The following XXYLT1 variants were observed in gnomAD, a reference collection of about 807,000 sequenced individuals.
The protein encoded by XXYLT1 is xyloside xylosyltransferase 1.
A neutral mutation model predicts 28.9 loss-of-function variants in XXYLT1; 20 were observed. The ratio of observed to expected loss-of-function variants is 0.69; its 90% confidence interval spans 0.49 to 1.00. The LOEUF (loss-of-function observed/expected upper bound fraction) is 1.00, where lower values mean the gene tolerates loss of function less well. XXYLT1 is among the 50% of genes least tolerant of loss of function. The pLI, the probability that XXYLT1 is intolerant of heterozygous loss-of-function variation, is 0.00. For missense variants in XXYLT1, 542 were observed against 560.1 expected (o/e 0.97, Z 0.33); for synonymous variants, 257 against 253.8 (o/e 1.01, Z -0.12).
At chr3:195,223,394 C>A (rs1156475310) in intron 2 of XXYLT1, among the ~76,000 whole-genome samples, 1 of 152,158 alleles carries the variant, frequency 6.6e-6, no homozygotes, top group Non-Finnish European at 1.5e-5. Flanking sequence ...GGAGCACAGG[C>A]TTTTCTGACC....
intron 1 of XXYLT1, among the ~76,000 whole-genome samples, chr3:195,262,510 GTAAT>G (rs1025050432): frequency 4.0e-5 from 6 of 150,476 alleles, no homozygotes; most frequent in Non-Finnish European, 8.9e-5. Flanking sequence ...CAAAAAAAAA[GTAAT>G]TATCTATCTT....
Position 195,133,701 on chromosome 3 carries a change from C to T in XXYLT1, c.785+22748G>A, listed in dbSNP as rs1046221398. On this transcript the variant is annotated intron_variant, in intron 3 of 3. Transcript: ENST00000310380. This position sits in a 1 kb window ranked among gnomAD's most constrained non-coding sequence, Gnocchi z 4.4. ...TATACAGTCACGCACCACGTGACGA[C>T]GTTGCAGTCAACGACAGAACACACG... Among the ~76,000 whole-genome samples the T allele has an allele frequency of 1.3e-5, 2 of 152,156 alleles. No homozygotes were observed. The highest frequency in any genetic ancestry group is 2.9e-5 in the Non-Finnish European group (2 of 68,040).
At chr3:195,208,908 A>G (rs973483198) in intron 2 of XXYLT1, among the ~76,000 whole-genome samples, 1 of 152,214 alleles carries the variant, frequency 6.6e-6, no homozygotes, top group African/African-American at 2.4e-5. Context: ...CTCCCAAATC[A>G]GCTCACAATC....
In XXYLT1 at chr3:195,209,107, AG is replaced by A. The variant is rs1448288941; in HGVS notation, c.652+17601del. On this transcript the variant is annotated intron_variant, in intron 2 of 3. Transcript: ENST00000310380. This position sits in a 1 kb window ranked among gnomAD's most constrained non-coding sequence, Gnocchi z 5.0. ...CCCTTACGTGGCTCACTCGCCTCTC[AG>A]GGGGAAGCTATCTCCCAGAGTGTAA... Among the ~76,000 whole-genome samples, 1 of 152,232 alleles carries A rather than the reference AG, an allele frequency of 6.6e-6. No individual in the cohort carries two copies. The highest frequency in any genetic ancestry group is 1.5e-5 in the Non-Finnish European group (1 of 68,024).
At chr3:195,114,251 C>T (rs775664623) in intron 3 of XXYLT1, among the ~76,000 whole-genome samples, 8 of 152,226 alleles carry the variant, frequency 5.3e-5, no homozygotes, top group Non-Finnish European at 7.3e-5. Flanking sequence ...CGCTCCTCCA[C>T]GTGAAGCCCT....
At chr3:195,190,749 T>C (rs1295729177) in intron 2 of XXYLT1, among the ~76,000 whole-genome samples, 7 of 151,838 alleles carry the variant, frequency 4.6e-5, no homozygotes, top group African/African-American at 1.7e-4. Context: ...AATATGAAAA[T>C]AATAGTATGG....
intron 3 of XXYLT1, among the ~76,000 whole-genome samples, chr3:195,153,224 C>T (rs774907044): frequency 3.0e-4 from 45 of 152,210 alleles, no homozygotes; most frequent in Non-Finnish European, 1.5e-4. Context: ...TAATTAATGC[C>T]GGATCTCCCA....
chr3:195,234,871 C>G (rs867709514), intron 1 of XXYLT1, among the ~76,000 whole-genome samples: 1 of 152,014 alleles, frequency 6.6e-6, no homozygotes, highest in Non-Finnish European at 1.5e-5. Flanking sequence ...TGTTCTATAA[C>G]CTTCCTGTAC....
chr3:195,162,096 C>CA (rs34348051), intron 2 of XXYLT1, among the ~76,000 whole-genome samples: 7,182 of 94,990 alleles, frequency 0.076, 592 homozygotes, highest in African/African-American at 0.23. Flanking sequence ...GGCCCTGTTT[C>CA]AAAAAAAAAA....
intron 3 of XXYLT1, among the ~76,000 whole-genome samples, chr3:195,107,634 G>GGGA (rs1191756044): frequency 4.5e-5 from 1 of 22,064 alleles, no homozygotes; most frequent in African/African-American, 1.5e-4. Flanking sequence ...GAGGAGGAGG[G>GGGA]GGAGGAGGAG....
At chr3:195,112,887 A>G (rs2108704960) in intron 3 of XXYLT1, among the ~76,000 whole-genome samples, 1 of 151,392 alleles carries the variant, frequency 6.6e-6, no homozygotes, top group African/African-American at 2.4e-5. Flanking sequence ...ATGTGCGCAC[A>G]TACACGCAGC....
chr3:195,134,870 CGTGTGCGCGCGT>C (rs1368111009), intron 3 of XXYLT1, among the ~76,000 whole-genome samples: 1 of 124,170 alleles, frequency 8.1e-6, no homozygotes, highest in African/African-American at 3.2e-5. Context: ...TGTGTGTGTG[CGTGTGCGCGCGT>C]GCGCGCACGT....
intron 1 of XXYLT1, among the ~76,000 whole-genome samples, chr3:195,254,332 G>A (rs748578684): frequency 3.9e-5 from 6 of 152,340 alleles, no homozygotes; most frequent in East Asian, 1.9e-4. Flanking sequence ...GAAGCCTGAC[G>A]AGGTGATTTT....
intron 3 of XXYLT1, among the ~76,000 whole-genome samples, chr3:195,113,302 C>T (rs1368918570): frequency 6.6e-6 from 1 of 152,224 alleles, no homozygotes; most frequent in Non-Finnish European, 1.5e-5. Context: ...GTTTCTGACA[C>T]TATCTTCGAC....
intron 2 of XXYLT1, among the ~76,000 whole-genome samples, chr3:195,212,252 C>T (rs915189622): frequency 6.6e-6 from 1 of 152,190 alleles, no homozygotes; most frequent in African/African-American, 2.4e-5. Flanking sequence ...CAGCACAGTG[C>T]AGGCTGAAGC....
intron 1 of XXYLT1, among the ~76,000 whole-genome samples, chr3:195,252,719 CACACACACAGAGAGAGAG>C (rs1725309721): frequency 7.2e-6 from 1 of 138,320 alleles, no homozygotes; most frequent in Non-Finnish European, 1.5e-5. Flanking sequence ...CACACACACA[CACACACACAGAGAGAGAG>C]AGAGAGAGAG....
intron 3 of XXYLT1, among the ~76,000 whole-genome samples, chr3:195,071,238 C>T (rs1022385921): frequency 2.0e-5 from 3 of 152,170 alleles, no homozygotes; most frequent in East Asian, 3.9e-4. Context: ...GAGGACACAT[C>T]GTGGCAGAAC....
intron 1 of XXYLT1, among the ~76,000 whole-genome samples, chr3:195,228,957 C>A (rs543822477): frequency 2.2e-4 from 33 of 151,970 alleles, no homozygotes; most frequent in Middle Eastern, 3.4e-3. Context: ...GGATTACAGG[C>A]GCCCACCACC....
intron 1 of XXYLT1, among the ~76,000 whole-genome samples, chr3:195,251,747 A>G (rs189499065): frequency 6.6e-6 from 1 of 152,148 alleles, no homozygotes; most frequent in Admixed American, 6.5e-5. Flanking sequence ...CAAGACCCAC[A>G]CCAATAAAAG....
Sources: allele counts gnomAD v4.1 joint callset (sites outside exome capture counted in the v4.1 genomes callset), GRCh38; gene constraint gnomAD v4.1.1; non-coding constraint Gnocchi (gnomAD v3.1); transcripts MANE v1.5; gene names NCBI Gene and HGNC (gene_info 2026-07-23, HGNC 2026-07-21).